DMD: variants seen among roughly 807,000 people sequenced by gnomAD.
The protein encoded by DMD is dystrophin, also known as mutant dystrophin.
A neutral mutation model predicts 330.1 loss-of-function variants in DMD; 63 were observed. That is an observed-to-expected ratio of 0.19 (90% confidence interval 0.16 to 0.24). The LOEUF (loss-of-function observed/expected upper bound fraction) is 0.24. Among genes scored for constraint, DMD ranks in the 10% least tolerant of loss-of-function variants. DMD has a pLI of 1.00. For missense variants in DMD, 3,344 were observed against 2,684.1 expected (o/e 1.25, Z -5.43); for synonymous variants, 1,223 against 959.8 (o/e 1.27, Z -5.07).
chrX:32,442,804 T>G (rs1330749781), intron 27 of DMD, among the ~76,000 whole-genome samples: 2 of 110,433 alleles, frequency 1.8e-5, no homozygotes, highest in African/African-American at 6.6e-5. Context: ...AATACAGACG[T>G]GACAATGAAA....
chrX:32,025,030 G>C (rs1457389053), intron 44 of DMD, among the ~76,000 whole-genome samples: 1 of 111,416 alleles, frequency 9.0e-6, no homozygotes, highest in East Asian at 2.8e-4. Context: ...CTGGTTGGTA[G>C]CCTCAAGTCC....
intron 30 of DMD, among the ~76,000 whole-genome samples, chrX:32,403,048 C>A (rs1441177382): frequency 1.8e-5 from 2 of 111,387 alleles, no homozygotes; most frequent in African/African-American, 3.3e-5. Flanking sequence ...GGGTGGCCCA[C>A]GGTCTTACAG....
chrX:31,567,154 A>G (rs2075512384), intron 55 of DMD, among the ~76,000 whole-genome samples: 2 of 111,735 alleles, frequency 1.8e-5, no homozygotes, highest in South Asian at 3.7e-4. Context: ...CAGTCATGCC[A>G]TCCACAAATA....
At chrX:33,064,611 A>C (rs1196564131) in intron 1 of DMD, among the ~76,000 whole-genome samples, 2 of 112,246 alleles carry the variant, frequency 1.8e-5, no homozygotes, top group African/African-American at 6.5e-5. Context: ...ATTGATGGCC[A>C]GACGCGGTGG....
At chrX:32,142,427 T>A (rs1178423274) in intron 44 of DMD, among the ~76,000 whole-genome samples, 1 of 112,148 alleles carries the variant, frequency 8.9e-6, no homozygotes, top group African/African-American at 3.2e-5. Context: ...ACTTGCTGAG[T>A]CCCCTTGGGG....
intron 1 of DMD, among the ~76,000 whole-genome samples, chrX:33,154,259 T>C (rs902821941): frequency 9.1e-6 from 1 of 110,277 alleles, no homozygotes; most frequent in Admixed American, 9.7e-5. Context: ...TAGCCAGGCG[T>C]GGTGGTGGGC....
chrX:33,062,595 G>A (rs2094595179), intron 1 of DMD, among the ~76,000 whole-genome samples: 1 of 112,052 alleles, frequency 8.9e-6, no homozygotes, highest in Admixed American at 9.5e-5. Flanking sequence ...TCCTGCCTCA[G>A]CCTCCCGAGT....
At chrX:32,634,281 A>G (rs2058938812) in intron 11 of DMD, among the ~76,000 whole-genome samples, 1 of 111,794 alleles carries the variant, frequency 8.9e-6, no homozygotes, top group African/African-American at 3.3e-5. Flanking sequence ...CCAGGAGCCA[A>G]ACTCTGGAAT....
intron 17 of DMD, among the ~76,000 whole-genome samples, chrX:32,529,518 C>A (rs1000686774): frequency 2.9e-5 from 3 of 102,636 alleles, no homozygotes; most frequent in Non-Finnish European, 3.9e-5. Flanking sequence ...CTCAGCCTCC[C>A]GAGTACCTAG....
intron 29 of DMD, among the ~76,000 whole-genome samples, chrX:32,435,365 A>C (rs748440464): frequency 9.2e-4 from 96 of 104,833 alleles, no homozygotes; most frequent in Middle Eastern, 9.8e-3. Context: ...TCTAGTCAAA[A>C]TAAAAAGGCT....
intron 26 of DMD, 35 bp downstream of exon 26, chrX:32,454,627 T>C (rs760527519): frequency 1.1e-5 from 12 of 1,079,713 alleles, no homozygotes; most frequent in Non-Finnish European, 1.5e-5. Flanking sequence ...ATTTATTTCC[T>C]TTGTTTTACT....
At chrX:31,976,708 T>C (rs767712210) in intron 44 of DMD, among the ~76,000 whole-genome samples, 15 of 111,387 alleles carry the variant, frequency 1.3e-4, no homozygotes, top group Non-Finnish European at 2.3e-4. Context: ...TGGTCAAAGG[T>C]GATTTCAAAA....
chrX:32,085,664 G>GTA (rs1491255498), intron 44 of DMD, among the ~76,000 whole-genome samples: 17 of 58,301 alleles, frequency 2.9e-4, no homozygotes, highest in African/African-American at 5.3e-4. Context: ...GTATATATAC[G>GTA]TATATATACA....
chrX:32,129,667 A>G (rs2096678937), intron 44 of DMD, among the ~76,000 whole-genome samples: 1 of 107,158 alleles, frequency 9.3e-6, no homozygotes, highest in Non-Finnish European at 1.9e-5. Flanking sequence ...GGTAGTTCCT[A>G]CAGAAAAAAT....
At chrX:32,131,913 C>T (rs778570560) in intron 44 of DMD, among the ~76,000 whole-genome samples, 22 of 111,450 alleles carry the variant, frequency 2.0e-4, no homozygotes, top group Non-Finnish European at 3.0e-4. Context: ...CTGTCAGTTC[C>T]GTAATTTTAA....
Position 32,698,829 on chromosome X carries a change from T to C in DMD, c.831+283A>G, listed in dbSNP as rs112525694. Among the ~76,000 whole-genome samples the C allele has an allele frequency of 7.1e-3, 787 of 111,420 alleles. 11 individuals carry two copies. The highest frequency in any genetic ancestry group is 0.024 in the African/African-American group (729 of 30,716). ...GTACGTAAGTTTGCCTTTCATTTCA[T>C]TGTGTGTTACACAATGGAAATTTAA... On this transcript the variant is annotated intron_variant, in intron 8 of 78. Coordinates refer to ENST00000357033, the MANE Select transcript of DMD (RefSeq NM_004006.3).
At chrX:32,380,388 G>T in intron 34 of DMD, 122 bp downstream of exon 34, 1 of 680,460 alleles carries the variant, frequency 1.5e-6, no homozygotes, top group Non-Finnish European at 2.2e-6. Context: ...TTTAAGAAAG[G>T]GAATATGAAA....
At chrX:32,571,628 T>C (rs2052432742) in intron 15 of DMD, among the ~76,000 whole-genome samples, 1 of 112,313 alleles carries the variant, frequency 8.9e-6, no homozygotes, top group South Asian at 3.7e-4. Flanking sequence ...TCTAGTTGTG[T>C]AAACCAACTG....
chrX:31,629,916 T>C (rs1239923558), intron 54 of DMD, among the ~76,000 whole-genome samples: 5 of 112,017 alleles, frequency 4.5e-5, no homozygotes, highest in Non-Finnish European at 9.4e-5. Context: ...GGTTAGACAT[T>C]TGACATATTT....
Sources: gnomAD v4.1 joint callset for allele counts (sites outside exome capture counted in the v4.1 genomes callset) on GRCh38, gnomAD v4.1.1 for gene constraint, MANE v1.5 for transcripts, NCBI Gene and HGNC (gene_info 2026-07-23, HGNC 2026-07-21) for gene names.